AGMO: variants seen among roughly 807,000 people sequenced by gnomAD.
AGMO encodes glyceryl-ether monooxygenase.
AGMO carries 75 observed loss-of-function variants against 60.2 expected under a neutral mutation model. The observed-to-expected ratio is 1.25, with a 90% confidence interval of 1.03 to 1.51. The LOEUF (loss-of-function observed/expected upper bound fraction) is 1.51. AGMO is among the 40% of genes most tolerant of loss of function. The probability of loss-of-function intolerance (pLI) is 0.00; values close to 1 mark genes in which losing one functional copy is unlikely to be tolerated. For missense variants in AGMO, 763 were observed against 525.5 expected, an observed-to-expected ratio of 1.45 and a Z score of -4.42; for synonymous variants, 261 against 177.1, an observed-to-expected ratio of 1.47 and a Z score of -3.76.
chr7:15,231,797 T>A (rs1782267633), intron 12 of AGMO, among the ~76,000 whole-genome samples: 1 of 152,210 alleles, frequency 6.6e-6, no homozygotes, highest in African/African-American at 2.4e-5. Flanking sequence ...CCCTTTCTTT[T>A]GCACCTGTTT....
rs1325296864 is a variant in AGMO at position 15,201,379 on chromosome 7, A to G, written c.1264-20T>C. ...AACAATCTGAAGAAATAAAACACAA[A>G]GAGAAAAAAAAATTAGAAGTGAATC... On this transcript the variant is annotated intron_variant, in intron 12 of 12. Transcript: ENST00000342526. 1.3e-6 allele frequency: 2 copies of G among 1,579,346 alleles called. No individual in the cohort carries two copies. Among genetic ancestry groups the G allele is most frequent in the Non-Finnish European group, 1.7e-6 (2 of 1,151,978 alleles).
At chr7:15,544,215 A>AG (rs1784708570) in intron 3 of AGMO, among the ~76,000 whole-genome samples, 2 of 144,476 alleles carry the variant, frequency 1.4e-5, no homozygotes, top group African/African-American at 5.1e-5. Flanking sequence ...TTTAGAGACT[A>AG]GGGGGAGAGG....
rs186779910 is a variant in AGMO at position 15,470,335 on chromosome 7, G to C, written c.410-39227C>G. Among the ~76,000 whole-genome samples, 141 of 152,124 alleles carry C rather than the reference G, an allele frequency of 9.3e-4. 1 individual carries two copies. Among genetic ancestry groups the C allele is most frequent in the African/African-American group, 3.3e-3 (138 of 41,552 alleles). ...GTAAATAACAAGAAATTTGAAGAAA[G>C]TGAGGTAATACAACATTAATGGTCT... is the stretch of plus-strand genomic sequence containing the variant. On this transcript the variant is annotated intron_variant, in intron 3 of 12. Coordinates refer to ENST00000342526, the MANE Select transcript of AGMO (RefSeq NM_001004320.2).
chr7:15,386,187 A>C (rs62441407), intron 9 of AGMO, among the ~76,000 whole-genome samples: 1 of 72,978 alleles, frequency 1.4e-5, no homozygotes, highest in Non-Finnish European at 3.1e-5. Context: ...AAAAAAGAAA[A>C]GAAAAGAAAA....
intron 12 of AGMO, among the ~76,000 whole-genome samples, chr7:15,259,312 G>C (rs1199636353): frequency 6.6e-6 from 1 of 151,694 alleles, no homozygotes; most frequent in Non-Finnish European, 1.5e-5. Context: ...AAGAACCATA[G>C]AGCTTGAAGA....
chr7:15,524,038 TTC>T (rs1784063899), intron 3 of AGMO, among the ~76,000 whole-genome samples: 2 of 152,060 alleles, frequency 1.3e-5, no homozygotes, highest in Admixed American at 6.6e-5. Context: ...GTAGTAAACT[TTC>T]TGTTTGATAT....
chr7:15,434,693 C>T (rs546777631), intron 3 of AGMO, among the ~76,000 whole-genome samples: 13 of 152,190 alleles, frequency 8.5e-5, no homozygotes, highest in African/African-American at 1.9e-4. Flanking sequence ...AGAGCTGAAC[C>T]GACTCGCAGC....
chr7:15,433,123 T>C (rs1227447719), intron 3 of AGMO, among the ~76,000 whole-genome samples: 1 of 152,080 alleles, frequency 6.6e-6, no homozygotes, highest in Non-Finnish European at 1.5e-5. Context: ...AGGATTTGTT[T>C]TTAAAAAATT....
intron 3 of AGMO, among the ~76,000 whole-genome samples, chr7:15,541,144 C>T (rs567170119): frequency 9.2e-5 from 14 of 151,868 alleles, no homozygotes; most frequent in Middle Eastern, 6.8e-3. Context: ...TTTTTTGAGA[C>T]GGGGTCTCGC....
intron 12 of AGMO, among the ~76,000 whole-genome samples, chr7:15,235,503 C>A (rs192839895): frequency 6.6e-6 from 1 of 152,236 alleles, no homozygotes; most frequent in African/African-American, 2.4e-5. Context: ...ATTAAAAATT[C>A]TCTTCAAATT....
intron 12 of AGMO, among the ~76,000 whole-genome samples, chr7:15,320,475 A>G (rs989367829): frequency 6.6e-6 from 1 of 152,102 alleles, no homozygotes; most frequent in African/African-American, 2.4e-5. Context: ...GATTATGATT[A>G]ACTTTACAAA....
chr7:15,402,754 A>C (rs967452092), intron 5 of AGMO, among the ~76,000 whole-genome samples: 7 of 150,834 alleles, frequency 4.6e-5, no homozygotes, highest in African/African-American at 1.5e-4. Flanking sequence ...TTCTATCAAC[A>C]CTAGCAATAA....
At chr7:15,141,401 G>A in the AGMO span, among the ~76,000 whole-genome samples, 6 of 152,212 alleles carry the variant, frequency 3.9e-5, no homozygotes, top group African/African-American at 1.2e-4. Flanking sequence ...CTTGGCAAAC[G>A]ATGAAACCAC....
intron 12 of AGMO, among the ~76,000 whole-genome samples, chr7:15,203,103 C>A (rs1781347804): frequency 6.6e-6 from 1 of 152,074 alleles, no homozygotes; most frequent in African/African-American, 2.4e-5. Flanking sequence ...AGGATGATCT[C>A]CCTGAGGGAA....
chr7:15,192,958 T>C, the AGMO span, among the ~76,000 whole-genome samples: 1 of 152,184 alleles, frequency 6.6e-6, no homozygotes, highest in African/African-American at 2.4e-5. Context: ...AACAGAATAA[T>C]TATTCTTAAT....
chr7:15,243,132 CTT>C (rs969536127), intron 12 of AGMO, among the ~76,000 whole-genome samples: 3 of 151,840 alleles, frequency 2.0e-5, no homozygotes, highest in Non-Finnish European at 4.4e-5. Flanking sequence ...ATATATAAGA[CTT>C]ATTAATATAC....
At chr7:15,155,263 A>T in the AGMO span, among the ~76,000 whole-genome samples, 3 of 151,972 alleles carry the variant, frequency 2.0e-5, no homozygotes, top group Non-Finnish European at 4.4e-5. Flanking sequence ...CTCTTTACAT[A>T]ATCCTATATT....
chr7:15,558,565 T>A (rs899658320), intron 2 of AGMO, among the ~76,000 whole-genome samples: 2 of 152,114 alleles, frequency 1.3e-5, no homozygotes, highest in African/African-American at 4.8e-5. Context: ...AAATTATCTA[T>A]AATTGTAAAT....
intron 3 of AGMO, among the ~76,000 whole-genome samples, chr7:15,431,574 T>G (rs986640206): frequency 1.3e-5 from 2 of 151,816 alleles, no homozygotes; most frequent in African/African-American, 4.8e-5. Context: ...TGAAATTATT[T>G]CCTCATGGCT....
Sources: allele counts gnomAD v4.1 joint callset (sites outside exome capture counted in the v4.1 genomes callset), GRCh38; gene constraint gnomAD v4.1.1; transcripts MANE v1.5; gene names NCBI Gene and HGNC (gene_info 2026-07-23, HGNC 2026-07-21).